Variants in LRRC37A2 observed in about 807,000 individuals in gnomAD.
The protein encoded by LRRC37A2 is leucine rich repeat containing 37 member A2, also known as leucine-rich repeat-containing protein 37A2.
LRRC37A2 carries 9 observed loss-of-function variants against 68.8 expected under a neutral mutation model. That is an observed-to-expected ratio of 0.13 (90% CI 0.08 to 0.23). LRRC37A2 has a LOEUF of 0.23. Among genes scored for constraint, LRRC37A2 ranks in the 10% least tolerant of loss-of-function variants. The pLI is 1.00. For synonymous variants in LRRC37A2, 63 were observed against 367.6 expected, an observed-to-expected ratio of 0.17 and a Z score of 9.48; for missense variants, 168 against 950.4, an observed-to-expected ratio of 0.18 and a Z score of 10.82.
the LRRC37A2 span, chr17:46,749,854 A>G: frequency 9.3e-6 from 15 of 1,614,202 alleles, no homozygotes; most frequent in Non-Finnish European, 1.3e-5. Flanking sequence ...TTTCAGCACC[A>G]CCATCCACGT....
At chr17:47,002,948 G>A in the LRRC37A2 span, among the ~76,000 whole-genome samples, 1 of 151,980 alleles carries the variant, frequency 6.6e-6, no homozygotes, top group African/African-American at 2.4e-5. Flanking sequence ...TCAAAGACGA[G>A]TTCTGTATAA....
At chr17:46,832,289 G>A in the LRRC37A2 span, among the ~76,000 whole-genome samples, 15 of 152,012 alleles carry the variant, frequency 9.9e-5, no homozygotes, top group African/African-American at 2.7e-4. Flanking sequence ...ACCCCGGGCC[G>A]GCTGAGCTGC....
At chr17:47,004,970 G>A in the LRRC37A2 span, among the ~76,000 whole-genome samples, 20 of 152,340 alleles carry the variant, frequency 1.3e-4, no homozygotes, top group Non-Finnish European at 2.4e-4. Flanking sequence ...TAGCTTCAGA[G>A]TGGCCTGTCC....
the LRRC37A2 span, among the ~76,000 whole-genome samples, chr17:46,841,915 C>T: frequency 7.9e-5 from 12 of 152,228 alleles, no homozygotes; most frequent in Admixed American, 3.3e-4. Context: ...GTCTCTGGTC[C>T]GCGAGAGGAC....
At chr17:46,951,981 C>T in the LRRC37A2 span, among the ~76,000 whole-genome samples, 1 of 152,198 alleles carries the variant, frequency 6.6e-6, no homozygotes, top group African/African-American at 2.4e-5. Flanking sequence ...TCTGCATCCT[C>T]TCAGAGTGGC....
chr17:46,872,406 C>T, the LRRC37A2 span: 23 of 1,365,006 alleles, frequency 1.7e-5, no homozygotes, highest in South Asian at 9.0e-5. Context: ...GCGGGTCAGC[C>T]TGCTGCCCAG....
chr17:47,006,675 G>A, the LRRC37A2 span, among the ~76,000 whole-genome samples: 2 of 152,174 alleles, frequency 1.3e-5, no homozygotes, highest in Non-Finnish European at 2.9e-5. Context: ...TGGCATTGGC[G>A]CAGCACCACC....
chr17:46,631,044 G>T, the LRRC37A2 span, among the ~76,000 whole-genome samples: 2 of 119,944 alleles, frequency 1.7e-5, no homozygotes, highest in East Asian at 6.7e-4. Context: ...TCCTCTCTGG[G>T]TCTCTGTCTC....
chr17:46,938,064 A>G, the LRRC37A2 span: 4 of 187,878 alleles, frequency 2.1e-5, no homozygotes, highest in African/African-American at 4.8e-5. Flanking sequence ...GGTCTTCACT[A>G]CGTGCCCAGG....
chr17:46,892,558 C>A, the LRRC37A2 span, among the ~76,000 whole-genome samples: 1 of 152,348 alleles, frequency 6.6e-6, no homozygotes, highest in Admixed American at 6.5e-5. Flanking sequence ...TTTATGCCTG[C>A]ACTAGCATTG....
chr17:46,945,994 C>G, the LRRC37A2 span, among the ~76,000 whole-genome samples: 2 of 152,176 alleles, frequency 1.3e-5, no homozygotes, highest in African/African-American at 4.8e-5. Context: ...AAAGGGCAGC[C>G]TCTCTTACCT....
At chr17:46,499,344 G>GGGC in the LRRC37A2 span, among the ~76,000 whole-genome samples, 1 of 136,204 alleles carries the variant, frequency 7.3e-6, no homozygotes, top group Non-Finnish European at 1.6e-5. Context: ...AAGGTGGGGG[G>GGGC]ACAATGTTAC....
the LRRC37A2 span, among the ~76,000 whole-genome samples, chr17:46,812,443 C>G: frequency 6.6e-6 from 1 of 152,168 alleles, no homozygotes; most frequent in East Asian, 1.9e-4. Flanking sequence ...CCTAGAGAAG[C>G]AACTTCTGCT....
At chr17:46,660,947 ATGAAT>A in the LRRC37A2 span, among the ~76,000 whole-genome samples, 1 of 33,452 alleles carries the variant, frequency 3.0e-5, no homozygotes, top group Non-Finnish European at 5.6e-5. Flanking sequence ...TTTTACTGAA[ATGAAT>A]TCTTGAAATG....
the LRRC37A2 span, among the ~76,000 whole-genome samples, chr17:46,406,028 TAAA>T: frequency 8.5e-6 from 1 of 117,604 alleles, no homozygotes; most frequent in African/African-American, 3.2e-5. Context: ...GGATCTCTTA[TAAA>T]AAGATACTTT....
At chr17:46,763,935 C>G in the LRRC37A2 span, 1 of 151,394 alleles carries the variant, frequency 6.6e-6, no homozygotes, top group South Asian at 2.1e-4. Flanking sequence ...TCGTGCAGAA[C>G]AGGGTTATAG....
chr17:46,499,010 TG>T, the LRRC37A2 span, among the ~76,000 whole-genome samples: 1 of 150,240 alleles, frequency 6.7e-6, no homozygotes, highest in East Asian at 1.9e-4. Context: ...GCACAATGTC[TG>T]GCAAATAGAA....
the LRRC37A2 span, among the ~76,000 whole-genome samples, chr17:46,889,195 G>T: frequency 6.6e-6 from 1 of 152,132 alleles, no homozygotes; most frequent in Non-Finnish European, 1.5e-5. Flanking sequence ...TTCCAGGGGG[G>T]CCAGATGGTC....
chr17:46,708,910 C>T, the LRRC37A2 span, among the ~76,000 whole-genome samples: 2 of 147,604 alleles, frequency 1.4e-5, no homozygotes, highest in Non-Finnish European at 3.0e-5. Flanking sequence ...CTGCAACCTC[C>T]GCCTCCTGGG....
Sources: allele counts gnomAD v4.1 joint callset (sites outside exome capture counted in the v4.1 genomes callset), GRCh38; gene constraint gnomAD v4.1.1; transcripts MANE v1.5; gene names NCBI Gene and HGNC (gene_info 2026-07-23, HGNC 2026-07-21).